The following BCKDHB variants were observed in gnomAD, a reference collection of about 807,000 sequenced individuals.
BCKDHB encodes the protein 2-oxoisovalerate dehydrogenase subunit beta, mitochondrial.
Under a neutral mutation model 48.5 loss-of-function variants are expected in BCKDHB, and 41 were observed. The ratio of observed to expected loss-of-function variants is 0.85; its 90% confidence interval spans 0.66 to 1.10. The LOEUF is 1.10. Among genes scored for constraint, BCKDHB ranks in the 50% least tolerant of loss-of-function variants. BCKDHB has a pLI of 0.00. For synonymous variants in BCKDHB, 201 were observed against 174.8 expected, an observed-to-expected ratio of 1.15 and a Z score of -1.18; for missense variants, 496 against 494.2, an observed-to-expected ratio of 1.00 and a Z score of -0.03.
chr6:80,309,108 C>T (rs1415926268), intron 9 of BCKDHB, among the ~76,000 whole-genome samples: 4 of 150,662 alleles, frequency 2.7e-5, no homozygotes, highest in Non-Finnish European at 5.9e-5. Flanking sequence ...TTGCCAACCA[C>T]GCTGGAGTGC....
At chr6:80,313,475 C>T (rs1768270528) in intron 9 of BCKDHB, among the ~76,000 whole-genome samples, 1 of 152,154 alleles carries the variant, frequency 6.6e-6, no homozygotes, top group African/African-American at 2.4e-5. Flanking sequence ...ATTCTCCTGC[C>T]TCAGCCTCCC....
intron 9 of BCKDHB, among the ~76,000 whole-genome samples, chr6:80,306,437 A>T (rs1462514173): frequency 6.0e-5 from 9 of 151,098 alleles, no homozygotes; most frequent in African/African-American, 1.7e-4. Context: ...GTCTAAACAT[A>T]AAAAAAGGGT....
chr6:80,386,133 C>G, the BCKDHB span, among the ~76,000 whole-genome samples: 1,169 of 152,244 alleles, frequency 7.7e-3, 12 homozygotes, highest in African/African-American at 0.027. Context: ...CTGGAAGGGA[C>G]CAATGCCTTG....
chr6:80,445,132 G>C, the BCKDHB span, among the ~76,000 whole-genome samples: 8 of 152,106 alleles, frequency 5.3e-5, no homozygotes, highest in Non-Finnish European at 1.2e-4. Context: ...CACTAAAAAT[G>C]ATTCTTATCC....
At chr6:80,321,515 G>T (rs1486855621) in intron 9 of BCKDHB, among the ~76,000 whole-genome samples, 1 of 152,138 alleles carries the variant, frequency 6.6e-6, no homozygotes, top group Non-Finnish European at 1.5e-5. Context: ...TTCCTTATGT[G>T]TGAGGCTGAT....
the BCKDHB span, among the ~76,000 whole-genome samples, chr6:80,403,000 A>G: frequency 2.6e-5 from 4 of 151,782 alleles, no homozygotes; most frequent in Admixed American, 1.3e-4. Flanking sequence ...TGTTTTCATT[A>G]TCATAGCTTT....
intron 8 of BCKDHB, among the ~76,000 whole-genome samples, chr6:80,222,741 A>G (rs1775516368): frequency 6.6e-6 from 1 of 152,086 alleles, no homozygotes; most frequent in African/African-American, 2.4e-5. Flanking sequence ...GGTTTCTTGG[A>G]ATCTCAGTTT....
rs145805733 is a variant in BCKDHB, at chr6:80,151,345, T to A, written c.344-16333T>A. Among the ~76,000 whole-genome samples, 264 of 152,290 alleles carry A rather than the reference T, an allele frequency of 1.7e-3. 1 individual carries two copies. Among genetic ancestry groups the A allele is most frequent in the African/African-American group, 6.0e-3 (250 of 41,580 alleles). On this transcript the variant is annotated intron_variant, in intron 3 of 9. Transcript: ENST00000320393. ...ACATTTAGAGCTAGCATAAGAAAAGTTGATGTAAGTTATGAAAATTAGAAA... is the reference window on the plus strand; with the variant it reads ...ACATTTAGAGCTAGCATAAGAAAAGATGATGTAAGTTATGAAAATTAGAAA...
chr6:80,180,473 CTT>C (rs754715909), intron 6 of BCKDHB, among the ~76,000 whole-genome samples: 5 of 152,200 alleles, frequency 3.3e-5, no homozygotes, highest in African/African-American at 7.2e-5. Flanking sequence ...TCTTTAATGT[CTT>C]TTGGTTTTAC....
chr6:80,185,345 C>A (rs1377820807), intron 6 of BCKDHB, among the ~76,000 whole-genome samples: 1 of 150,970 alleles, frequency 6.6e-6, no homozygotes, highest in Non-Finnish European at 1.5e-5. Context: ...TTTAAATTTT[C>A]TTTAAGTTGT....
At chr6:80,126,874 G>T (rs767556350) in intron 1 of BCKDHB, among the ~76,000 whole-genome samples, 32 of 152,110 alleles carry the variant, frequency 2.1e-4, no homozygotes, top group Non-Finnish European at 4.3e-4. Flanking sequence ...ACCTAACAAT[G>T]AATAGCTAAT....
intron 9 of BCKDHB, among the ~76,000 whole-genome samples, chr6:80,279,546 A>C (rs1778113158): frequency 6.6e-6 from 1 of 151,862 alleles, no homozygotes; most frequent in Non-Finnish European, 1.5e-5. Context: ...AATTTCGTCC[A>C]TTGTCTGTTT....
At chr6:80,257,735 G>A (rs1777113203) in intron 8 of BCKDHB, among the ~76,000 whole-genome samples, 1 of 152,104 alleles carries the variant, frequency 6.6e-6, no homozygotes, top group South Asian at 2.1e-4. Context: ...CAGGGCGAGG[G>A]AGTAGGGAGG....
chr6:80,197,544 G>T (rs566341829), intron 6 of BCKDHB, among the ~76,000 whole-genome samples: 40 of 152,144 alleles, frequency 2.6e-4, no homozygotes, highest in Non-Finnish European at 4.0e-4. Context: ...AAGGAAATGG[G>T]CCAAGATGCC....
intron 3 of BCKDHB, among the ~76,000 whole-genome samples, chr6:80,162,742 T>G (rs543051439): frequency 2.7e-4 from 41 of 152,098 alleles, no homozygotes; most frequent in Non-Finnish European, 4.6e-4. Flanking sequence ...TCCCAGCTAC[T>G]CGGGAGGCTG....
chr6:80,137,931 TAAAAA>T (rs112757019), intron 3 of BCKDHB, among the ~76,000 whole-genome samples: 2 of 144,690 alleles, frequency 1.4e-5, no homozygotes, highest in African/African-American at 5.1e-5. Flanking sequence ...TACAAAAAAT[TAAAAA>T]AAAAAAATAG....
intron 9 of BCKDHB, among the ~76,000 whole-genome samples, chr6:80,318,513 C>G (rs578161364): frequency 6.6e-6 from 1 of 151,532 alleles, no homozygotes. Flanking sequence ...ACGGTGAAAC[C>G]CCATCTACTA....
intron 8 of BCKDHB, among the ~76,000 whole-genome samples, chr6:80,228,820 T>C (rs904102326): frequency 6.6e-6 from 1 of 152,114 alleles, no homozygotes; most frequent in Non-Finnish European, 1.5e-5. Context: ...CTCAGAAGGT[T>C]TCAGAAGTTT....
intron 9 of BCKDHB, chr6:80,307,496 A>G (rs1243956497): frequency 1.1e-5 from 11 of 984,770 alleles, no homozygotes; most frequent in African/African-American, 5.2e-5. Flanking sequence ...ATATACCCCC[A>G]TGAAAGAACC....
Sources: allele counts gnomAD v4.1 joint callset (sites outside exome capture counted in the v4.1 genomes callset), GRCh38; gene constraint gnomAD v4.1.1; transcripts MANE v1.5; gene names NCBI Gene and HGNC (gene_info 2026-07-23, HGNC 2026-07-21).